The following FREM1 variants were observed in gnomAD, a reference collection of about 807,000 sequenced individuals.
FREM1 encodes FRAS1 related extracellular matrix 1, also known as FRAS1-related extracellular matrix protein 1.
A neutral mutation model predicts 210.1 loss-of-function variants in FREM1; 220 were observed. The ratio of observed to expected loss-of-function variants is 1.05; its 90% CI spans 0.94 to 1.17. The LOEUF is 1.17. FREM1 is among the 50% of genes most tolerant of loss of function. FREM1 has a pLI of 0.00. For synonymous variants in FREM1, 1,189 were observed against 980.2 expected (o/e 1.21, Z -3.98); for missense variants, 3,454 against 2,675.5 (o/e 1.29, Z -6.42).
rs754527354 is a variant in FREM1 at position 14,806,678 on chromosome 9, T to C, written c.3257A>G (p.Asn1086Ser). The stretch of plus-strand genomic sequence containing the variant: ...CAGCTTACCTATACTTATGCCAATA[T>C]TGCTTTTTTCAAAACCCACAGAAGG... ...ILPSVGFEKS[N>S]IGISIDSFQW... The change falls in exon 18 of 37, where the codon AAT becomes AGT. Residue 1086 changes from asparagine (N) to serine (S), a missense_variant. By Grantham distance (46) the Asn-to-Ser change is conservative. Transcript: ENST00000380880. 4 of 1,594,390 alleles carry C rather than the reference T, an allele frequency of 2.5e-6. No individual in the cohort carries two copies. The highest frequency in any genetic ancestry group is 2.7e-5 in the African/African-American group (2 of 74,722).
At chr9:14,799,423 A>G (rs1045363743) in intron 20 of FREM1, among the ~76,000 whole-genome samples, 3 of 152,224 alleles carry the variant, frequency 2.0e-5, no homozygotes, top group African/African-American at 7.2e-5. Context: ...TGAACCACAG[A>G]TAAAATAGAG....
chr9:14,774,605 T>C (rs1411062431), intron 25 of FREM1, among the ~76,000 whole-genome samples: 6 of 151,600 alleles, frequency 4.0e-5, no homozygotes, highest in African/African-American at 1.2e-4. Context: ...TCAGAAAGTA[T>C]TCTGAAGTGA....
intron 1 of FREM1, among the ~76,000 whole-genome samples, chr9:14,905,829 T>G (rs1469560938): frequency 1.3e-5 from 2 of 151,934 alleles, no homozygotes; most frequent in East Asian, 1.9e-4. Context: ...AGGCAGAGGT[T>G]GCAGTGAGCC....
chr9:14,868,000 C>A (rs1408646137), intron 2 of FREM1, among the ~76,000 whole-genome samples: 1 of 152,136 alleles, frequency 6.6e-6, no homozygotes, highest in Non-Finnish European at 1.5e-5. Context: ...ATATAAAGGT[C>A]TCCAAGATTT....
intron 29 of FREM1, among the ~76,000 whole-genome samples, chr9:14,756,159 A>C (rs1262752951): frequency 6.6e-6 from 1 of 152,034 alleles, no homozygotes; most frequent in Non-Finnish European, 1.5e-5. Flanking sequence ...CTTTCTTCTC[A>C]TTTGAAATCA....
At chr9:14,892,284 AAAG>A (rs1836956277) in intron 1 of FREM1, among the ~76,000 whole-genome samples, 1 of 152,164 alleles carries the variant, frequency 6.6e-6, no homozygotes, top group Non-Finnish European at 1.5e-5. Flanking sequence ...CTTCCAACCC[AAAG>A]GAAAATCATT....
intron 16 of FREM1, among the ~76,000 whole-genome samples, chr9:14,809,886 GT>G (rs1279585481): frequency 6.6e-6 from 1 of 151,354 alleles, no homozygotes; most frequent in Non-Finnish European, 1.5e-5. Flanking sequence ...ACAGATGTAT[GT>G]ATGTATGTAT....
intron 1 of FREM1, among the ~76,000 whole-genome samples, chr9:14,881,093 C>G (rs1405859225): frequency 6.6e-6 from 1 of 152,230 alleles, no homozygotes; most frequent in African/African-American, 2.4e-5. Context: ...TCTGCAAGAA[C>G]AGTCCTTGGC....
At position 14,746,998 on chromosome 9, in the gene FREM1, G is replaced by A; in HGVS notation, c.6063C>T (p.Phe2021=). ...KNCTLELKGL[F]HFEEGIQKLY... ...GCTTCTGGATGCCTTCTTCAAAATG[G>A]AAGAGTCCCTTTAATTCCAGAGTGC... Residue 2021 remains phenylalanine (F), a synonymous_variant, in exon 34 of 37, where the codon TTC becomes TTT. Transcript: ENST00000380880. 4 of 1,613,176 alleles carry A rather than the reference G, an allele frequency of 2.5e-6. No individual in the cohort carries two copies. Among genetic ancestry groups the A allele is most frequent in the Non-Finnish European group, 3.4e-6 (4 of 1,179,582 alleles).
Position 14,750,240 on chromosome 9 carries a change from T to C in FREM1, c.5444A>G (p.Tyr1815Cys). Reference protein sequence around the residue: ...STKMWNIAITYDGLEEDDEVF... With the variant: ...STKMWNIAITCDGLEEDDEVF... ...CTCATCATCTTCCTCTAATCCGTCA[T>C]AGGTAATTGCTATATTCCACATCTT... Residue 1815 changes from tyrosine (Y) to cysteine (C), a missense_variant, in exon 30 of 37, where the codon TAT (tyrosine) becomes TGT (cysteine). By Grantham distance (194) the Tyr-to-Cys change is radical. Transcript: ENST00000380880. 2.5e-6 allele frequency: 4 copies of C among 1,612,896 alleles called. No individual in the cohort carries two copies. Among genetic ancestry groups the C allele is most frequent in the Non-Finnish European group, 3.4e-6 (4 of 1,178,978 alleles).
rs968657008 is a variant in FREM1 at position 14,788,965 on chromosome 9, C to G, written c.4131G>C (p.Arg1377Ser). The change falls in exon 23 of 37, where the codon AGG becomes AGC. Residue 1377 changes from arginine to serine, a missense_variant. By Grantham distance (110) the Arg-to-Ser change is moderately radical. Coordinates refer to ENST00000380880, the MANE Select transcript of FREM1 (RefSeq NM_001379081.2). Reference protein sequence around the residue: ...FTFYLWDGNNRSPALDCQITI... With the variant: ...FTFYLWDGNNSSPALDCQITI... The stretch of plus-strand genomic sequence containing the variant: ...TGATTTGACAGTCAAGAGCAGGGGA[C>G]CTGTTGTTGCCATCCCAAAGGTAGA... The G allele has an allele frequency of 1.2e-6, 2 of 1,613,104 alleles. No homozygotes were observed. Among genetic ancestry groups the G allele is most frequent in the African/African-American group, 1.3e-5 (1 of 75,012 alleles).
chr9:14,894,487 G>C (rs12003351), intron 1 of FREM1, among the ~76,000 whole-genome samples: 114 of 152,296 alleles, frequency 7.5e-4, no homozygotes, highest in African/African-American at 2.6e-3. Context: ...TTTGGCAATT[G>C]TCACATTAGA....
intron 2 of FREM1, among the ~76,000 whole-genome samples, chr9:14,866,099 T>C (rs1831466052): frequency 6.6e-6 from 1 of 152,202 alleles, no homozygotes. Context: ...TGATTCTACT[T>C]TTTCTTAATG....
At chr9:14,774,627 T>C (rs1415276331) in intron 25 of FREM1, among the ~76,000 whole-genome samples, 1 of 152,040 alleles carries the variant, frequency 6.6e-6, no homozygotes, top group Non-Finnish European at 1.5e-5. Context: ...AGATAAATTT[T>C]ATCTATTTTG....
At chr9:14,764,714 C>T (rs1483009674) in intron 27 of FREM1, among the ~76,000 whole-genome samples, 1 of 152,172 alleles carries the variant, frequency 6.6e-6, no homozygotes, top group East Asian at 1.9e-4. Flanking sequence ...ACCGAATGGT[C>T]TGTTTCAAAA....
chr9:14,785,121 G>C lies in FREM1; in HGVS notation c.4178-487C>G, dbSNP rs139605048. Among the ~76,000 whole-genome samples the C allele has an allele frequency of 4.1e-3, 623 of 152,322 alleles. 5 individuals are homozygous for C. The highest frequency in any genetic ancestry group is 0.02 in the Middle Eastern group (6 of 294). The stretch of plus-strand genomic sequence containing the variant: ...AGAAACACTTGCCCTGCTACGCTTG[G>C]AGACATGCACCCAAATGGTCATTGC... On this transcript the variant is annotated intron_variant, in intron 23 of 36. Transcript: ENST00000380880.
chr9:14,816,632 A>C (rs1200011880), intron 15 of FREM1, 146 bp downstream of exon 15: 1 of 415,730 alleles, frequency 2.4e-6, no homozygotes, highest in Admixed American at 4.1e-5. Context: ...CACTGGATGC[A>C]GCTACCCAAT....
In FREM1 at chr9:14,737,200, T is replaced by C. The variant is rs889419320; in HGVS notation, c.*196A>G. 5.9e-6 allele frequency: 3 copies of C among 509,004 alleles called. No homozygotes were observed. The highest frequency in any genetic ancestry group is 3.9e-5 in the African/African-American group (2 of 51,632). 31.5% of individuals were successfully genotyped at this position (509,004 alleles called of 1,614,324 possible). A position where few individuals can be genotyped will look rare whatever the true frequency, so the allele number is the denominator to read the frequency against. Reference sequence around the variant, plus strand: ...TTTAAAAGGTATTGAGATACAAAAATTGTATCTTATCTTGTAAAAAATATT... The same window carrying C: ...TTTAAAAGGTATTGAGATACAAAAACTGTATCTTATCTTGTAAAAAATATT... On this transcript the variant is annotated 3_prime_UTR_variant, in exon 37 of 37. Coordinates refer to ENST00000380880, the MANE Select transcript of FREM1 (RefSeq NM_001379081.2).
At chr9:14,898,045 A>T (rs1464792078) in intron 1 of FREM1, among the ~76,000 whole-genome samples, 2 of 152,196 alleles carry the variant, frequency 1.3e-5, no homozygotes, top group Non-Finnish European at 2.9e-5. Context: ...CAGTAGTGCT[A>T]AAAAAGGAGG....
Sources: allele counts gnomAD v4.1 joint callset (sites outside exome capture counted in the v4.1 genomes callset), GRCh38; gene constraint gnomAD v4.1.1; transcripts MANE v1.5; gene names NCBI Gene and HGNC (gene_info 2026-07-23, HGNC 2026-07-21).